The following CDK6 variants were observed in gnomAD, a reference collection of about 807,000 sequenced individuals.
CDK6 encodes cyclin-dependent kinase 6.
Under a neutral mutation model 37.1 loss-of-function variants are expected in CDK6, and 6 were observed. That is an observed-to-expected ratio of 0.16 (90% confidence interval 0.09 to 0.32). CDK6 has a LOEUF of 0.32. Ranked by LOEUF, CDK6 falls within the 10% of genes least tolerant of loss-of-function variation. The pLI, the probability that CDK6 is intolerant of heterozygous loss-of-function variation, is 1.00. For missense variants in CDK6, 224 were observed against 418.9 expected, an observed-to-expected ratio of 0.53 and a Z score of 4.06; for synonymous variants, 160 against 161.3, an observed-to-expected ratio of 0.99 and a Z score of 0.06.
chr7:92,734,749 A>G (rs1798743327), intron 3 of CDK6, among the ~76,000 whole-genome samples: 1 of 152,218 alleles, frequency 6.6e-6, no homozygotes, highest in African/African-American at 2.4e-5. Flanking sequence ...ATAGGGACAA[A>G]AGAGGCATGG....
intron 5 of CDK6, among the ~76,000 whole-genome samples, chr7:92,632,773 TA>T (rs1796081902): frequency 6.6e-6 from 1 of 150,448 alleles, no homozygotes; most frequent in Non-Finnish European, 1.5e-5. Context: ...AAATTAAAAA[TA>T]AAAAATTTAA....
chr7:92,833,450 C>G lies in CDK6; in HGVS notation c.-127G>C. 4.6e-6 allele frequency: 3 copies of G among 648,786 alleles called. No individual in the cohort carries two copies. In the South Asian group the frequency reaches 6.2e-5, roughly 13 times the overall value. The allele number at this position is 648,786 out of a possible 1,614,324, so 40.2% of individuals were successfully genotyped here. A position where few individuals can be genotyped will look rare whatever the true frequency, so the allele number is the denominator to read the frequency against. ...CGGTCTAGCTTTACTTGCTCCCCGC[C>G]GGCTCAGGCGCTCGGGCGCTGGGGC... On this transcript the variant is annotated 5_prime_UTR_variant, in exon 2 of 8. Coordinates refer to ENST00000424848, the MANE Select transcript of CDK6 (RefSeq NM_001145306.2). This position sits in a 1 kb window ranked among gnomAD's most constrained non-coding sequence, Gnocchi z 6.1.
chr7:92,656,046 C>T (rs1002696586), intron 5 of CDK6, among the ~76,000 whole-genome samples: 5 of 151,574 alleles, frequency 3.3e-5, no homozygotes, highest in South Asian at 2.1e-4. Context: ...AAAGACCATG[C>T]GGAATGCTCT....
intron 4 of CDK6, among the ~76,000 whole-genome samples, chr7:92,722,960 G>A (rs1798402111): frequency 6.6e-6 from 1 of 152,136 alleles, no homozygotes; most frequent in Non-Finnish European, 1.5e-5. Context: ...TGAGGAGGAC[G>A]GATTACTTGA....
chr7:92,763,750 G>T lies in CDK6; in HGVS notation c.369+10946C>A, dbSNP rs529304359. ...GCAAGCAAATATTCCAGATGTCTGA[G>T]TCATCTCAGAATGTAAGGGAGATGT... On this transcript the variant is annotated intron_variant, in intron 3 of 7. Transcript: ENST00000424848. 7.7e-4 allele frequency among the ~76,000 whole-genome samples: 117 copies of T among 152,302 alleles called. 1 individual carries two copies. Among genetic ancestry groups the T allele is most frequent in the African/African-American group, 2.5e-3 (103 of 41,556 alleles).
chr7:92,688,163 T>C (rs1202120867), intron 4 of CDK6, among the ~76,000 whole-genome samples: 1 of 152,184 alleles, frequency 6.6e-6, no homozygotes, highest in African/African-American at 2.4e-5. Context: ...AAACGTTTAG[T>C]AGATACTACC....
chr7:92,613,252 C>T lies in CDK6; in HGVS notation c.*1888G>A, dbSNP rs1257245064. The T allele has an allele frequency of 4.3e-6, 1 of 233,278 alleles. No homozygotes were observed. The highest frequency in any genetic ancestry group is 8.5e-6 in the Non-Finnish European group (1 of 118,046). 14.5% of individuals were successfully genotyped at this position (233,278 alleles called of 1,614,324 possible). On this transcript the variant is annotated 3_prime_UTR_variant, in exon 8 of 8. Transcript: ENST00000424848. ...TCTTGTTCAAGATAGTCATATATCACATTAAGCTGCAAAGAATTCAGTACA... is the reference window on the plus strand; with the variant it reads ...TCTTGTTCAAGATAGTCATATATCATATTAAGCTGCAAAGAATTCAGTACA...
At position 92,762,358 on chromosome 7, in the gene CDK6, G is replaced by A. The variant is rs189653379; in HGVS notation, c.369+12338C>T. Among the ~76,000 whole-genome samples, 19 of 151,974 alleles carry A rather than the reference G, an allele frequency of 1.3e-4. No homozygotes were observed. The East Asian group carries it at 2.7e-3, about 22-fold the overall frequency. On this transcript the variant is annotated intron_variant, in intron 3 of 7. Coordinates refer to ENST00000424848, the MANE Select transcript of CDK6 (RefSeq NM_001145306.2). ...TTCTTGAACCCCATCCTCCCGACCC[G>A]GAATATATTTTGGTAGAGGAAGGAA...
Position 92,833,082 on chromosome 7 carries a change from C to T in CDK6, c.233+9G>A, listed in dbSNP as rs1391437019. 1 of 1,558,184 alleles carries T rather than the reference C, an allele frequency of 6.4e-7. No individual in the cohort carries two copies. Among genetic ancestry groups the T allele is most frequent in the South Asian group, 1.2e-5 (1 of 85,318 alleles). On this transcript the variant is annotated intron_variant, in intron 2 of 7. Transcript: ENST00000424848. The surrounding 1 kb of genome is among the most constrained non-coding windows in gnomAD (Gnocchi z 6.1). Reference sequence around the variant, plus strand: ...CCCCAGATGGCGAGGGCGCAGCTCCCTGGCTCACCTGACCACGTTGGGGTG... The same window carrying T: ...CCCCAGATGGCGAGGGCGCAGCTCCTTGGCTCACCTGACCACGTTGGGGTG...
Position 92,613,851 on chromosome 7 carries a change from A to G in CDK6, c.*1289T>C, listed in dbSNP as rs931593584. On this transcript the variant is annotated 3_prime_UTR_variant, in exon 8 of 8. Coordinates refer to ENST00000424848, the MANE Select transcript of CDK6 (RefSeq NM_001145306.2). ...GTAGAAGGACTGCATTAGAGAACAT[A>G]TGTGACCCTGTTAGGTTTGCAGAAT... is the stretch of plus-strand genomic sequence containing the variant. 27 of 233,116 alleles carry G rather than the reference A, an allele frequency of 1.2e-4. No homozygotes were observed. In the East Asian group the frequency reaches 1.6e-3, roughly 14 times the overall value. The allele number at this position is 233,116 out of a possible 1,614,324, so 14.4% of individuals were successfully genotyped here.
chr7:92,725,385 G>T, intron 4 of CDK6: 1 of 922,218 alleles, frequency 1.1e-6, no homozygotes. Flanking sequence ...CTGTCCAGTG[G>T]CTAAGATGCA....
rs966653407 is a variant in CDK6 at position 92,749,672 on chromosome 7, G to T, written c.370-23879C>A. Among the ~76,000 whole-genome samples, 11 of 152,142 alleles carry T rather than the reference G, an allele frequency of 7.2e-5. 1 individual carries two copies. Among genetic ancestry groups the T allele is most frequent in the Admixed American group, 4.6e-4 (7 of 15,266 alleles). On this transcript the variant is annotated intron_variant, in intron 3 of 7. Coordinates refer to ENST00000424848, the MANE Select transcript of CDK6 (RefSeq NM_001145306.2). ...AACTTCTGACTGCTCTGCAGCACTT[G>T]GTGGGTGTGTCCTGTAAGTTTTTGA...
chr7:92,726,067 A>G lies in CDK6; in HGVS notation c.370-274T>C, dbSNP rs117576499. On this transcript the variant is annotated intron_variant, in intron 3 of 7. Coordinates refer to ENST00000424848, the MANE Select transcript of CDK6 (RefSeq NM_001145306.2). Reference sequence around the variant, plus strand: ...ATGGAATAGGAAACATTCTGGAAGGATATCTGCCAAACTGGTTTCAGTGGC... The same window carrying G: ...ATGGAATAGGAAACATTCTGGAAGGGTATCTGCCAAACTGGTTTCAGTGGC... Among the ~76,000 whole-genome samples the G allele has an allele frequency of 3.0e-3, 463 of 152,306 alleles. 2 individuals carry two copies. The highest frequency in any genetic ancestry group is 4.6e-3 in the Non-Finnish European group (316 of 68,026).
At chr7:92,812,973 T>C (rs970065088) in intron 2 of CDK6, among the ~76,000 whole-genome samples, 17 of 152,190 alleles carry the variant, frequency 1.1e-4, no homozygotes, top group Admixed American at 1.1e-3. Context: ...TATATGTGAG[T>C]TGACTGCAGC....
intron 4 of CDK6, among the ~76,000 whole-genome samples, chr7:92,723,255 A>G (rs896074679): frequency 3.1e-4 from 47 of 152,202 alleles, no homozygotes; most frequent in African/African-American, 1.1e-3. Context: ...TGAAGGGGAT[A>G]CTAGAAAGGG....
intron 3 of CDK6, among the ~76,000 whole-genome samples, chr7:92,760,377 T>C (rs1007211949): frequency 1.3e-5 from 2 of 152,200 alleles, no homozygotes. Flanking sequence ...TTTTAATGTA[T>C]ACACACTGAT....
intron 5 of CDK6, among the ~76,000 whole-genome samples, chr7:92,657,717 T>G (rs1334990494): frequency 2.0e-5 from 3 of 152,146 alleles, no homozygotes; most frequent in Non-Finnish European, 2.9e-5. Flanking sequence ...TTCACTTATG[T>G]TTTCCACTTA....
chr7:92,755,864 C>T (rs1039375694), intron 3 of CDK6, among the ~76,000 whole-genome samples: 35 of 152,246 alleles, frequency 2.3e-4, no homozygotes, highest in African/African-American at 7.9e-4. Flanking sequence ...TAGCTAACTA[C>T]CACAGAGCTG....
At chr7:92,665,163 C>A (rs183918693) in intron 5 of CDK6, among the ~76,000 whole-genome samples, 1 of 152,258 alleles carries the variant, frequency 6.6e-6, no homozygotes, top group Non-Finnish European at 1.5e-5. Flanking sequence ...AAACTACAGA[C>A]AGTTCTAACT....
Sources: gnomAD v4.1 joint callset for allele counts (sites outside exome capture counted in the v4.1 genomes callset) on GRCh38, gnomAD v4.1.1 for gene constraint, Gnocchi (gnomAD v3.1) non-coding constraint, MANE v1.5 for transcripts, NCBI Gene and HGNC (gene_info 2026-07-23, HGNC 2026-07-21) for gene names.